SEPTIN6: variants seen among roughly 807,000 people sequenced by gnomAD.
SEPTIN6 encodes septin-6.
Under a neutral mutation model 33.6 loss-of-function variants are expected in SEPTIN6, and 8 were observed. That is an observed-to-expected ratio of 0.24 (90% CI 0.14 to 0.43). SEPTIN6 has a LOEUF of 0.43. SEPTIN6 is among the 20% of genes least tolerant of loss of function. The pLI is 1.00. For missense variants in SEPTIN6, 250 were observed against 340.8 expected, an observed-to-expected ratio of 0.73 and a Z score of 2.10; for synonymous variants, 131 against 140.0, an observed-to-expected ratio of 0.94 and a Z score of 0.45.
intron 1 of SEPTIN6, among the ~76,000 whole-genome samples, chrX:119,690,513 A>T (rs2055151533): frequency 9.2e-6 from 1 of 109,019 alleles, no homozygotes; most frequent in Non-Finnish European, 1.9e-5. Context: ...TCACAAGGTC[A>T]GGAGTTCGAG....
chrX:119,618,149 CTGAG>C lies in SEPTIN6; in HGVS notation c.*1940_*1943del, dbSNP rs2053694577. The C allele has an allele frequency of 1.0e-5, 8 of 763,474 alleles. No homozygotes were observed. The South Asian group carries it at 2.1e-4, about 20-fold the overall frequency. The allele number at this position is 763,474 out of a possible 1,213,427, so 62.9% of individuals were successfully genotyped here. A position where few individuals can be genotyped will look rare whatever the true frequency, so the allele number is the denominator to read the frequency against. ...ACTCAGCATCTCTCTGAGCTACTGG[CTGAG>C]TATCTGAGCAGATTTTTTTTTTTTT... On this transcript the variant is annotated 3_prime_UTR_variant, in exon 11 of 11. Coordinates refer to ENST00000394610, the MANE Select transcript of SEPTIN6 (RefSeq NM_145799.4).
chrX:119,665,394 G>A (rs1365156000), intron 2 of SEPTIN6, among the ~76,000 whole-genome samples: 2 of 111,936 alleles, frequency 1.8e-5, no homozygotes, highest in Non-Finnish European at 3.8e-5. Context: ...ATGAGCCACC[G>A]TGCCCGGCCC....
intron 9 of SEPTIN6, among the ~76,000 whole-genome samples, chrX:119,627,791 C>CT (rs973249197): frequency 0.017 from 1,219 of 73,639 alleles, 143 homozygotes; most frequent in Non-Finnish European, 0.022. Flanking sequence ...ATCTGCACTT[C>CT]TTTTTTTTTT....
At position 119,693,095 on chromosome X, in the gene SEPTIN6, G is replaced by C. The variant is rs766039880; in HGVS notation, c.11C>G (p.Thr4Ser). 1.3e-5 allele frequency: 15 copies of C among 1,172,034 alleles called. No individual in the cohort carries two copies. The South Asian group carries it at 2.8e-4, about 22-fold the overall frequency. ...ACTTACCACCTGGCGAGCTATATCGGTCGCTGCCATCGCTCCTGCGTCCGC... is the reference window on the plus strand; with the variant it reads ...ACTTACCACCTGGCGAGCTATATCGCTCGCTGCCATCGCTCCTGCGTCCGC... MAATDIARQVGEGC... is the reference protein window; with the variant it reads MAASDIARQVGEGC... The change falls in exon 1 of 11, where the codon ACC becomes AGC. Residue 4 changes from threonine (T) to serine (S), a missense_variant. Coordinates refer to ENST00000394610, the MANE Select transcript of SEPTIN6 (RefSeq NM_145799.4).
intron 1 of SEPTIN6, among the ~76,000 whole-genome samples, chrX:119,685,085 G>C (rs1304943479): frequency 1.8e-5 from 2 of 112,019 alleles, no homozygotes; most frequent in African/African-American, 3.2e-5. Context: ...AAATCCAATA[G>C]ATGAAACTGA....
At chrX:119,650,544 T>C (rs2054333745) in intron 4 of SEPTIN6, among the ~76,000 whole-genome samples, 1 of 111,628 alleles carries the variant, frequency 9.0e-6, no homozygotes, top group Non-Finnish European at 1.9e-5. Context: ...AGGTTACTGC[T>C]TGGGAGACTT....
intron 1 of SEPTIN6, among the ~76,000 whole-genome samples, chrX:119,684,635 C>T (rs773470285): frequency 9.1e-5 from 10 of 109,303 alleles, no homozygotes; most frequent in Middle Eastern, 9.3e-3. Flanking sequence ...GGATTACAGG[C>T]GCCCACCACC....
At chrX:119,647,994 A>G (rs6645586) in intron 5 of SEPTIN6, among the ~76,000 whole-genome samples, 42,114 of 97,604 alleles carry the variant, frequency 0.43, 8,786 homozygotes, top group African/African-American at 0.66. Flanking sequence ...ATGAGGTCTC[A>G]CTATGTTGTT....
chrX:119,679,918 T>C (rs1231268631), intron 1 of SEPTIN6, among the ~76,000 whole-genome samples: 1 of 111,316 alleles, frequency 9.0e-6, no homozygotes, highest in African/African-American at 3.3e-5. Flanking sequence ...AAGGAGTGAT[T>C]GGGCAGAGAG....
At chrX:119,651,673 A>AAAAT (rs751655915) in intron 4 of SEPTIN6, among the ~76,000 whole-genome samples, 3 of 110,312 alleles carry the variant, frequency 2.7e-5, no homozygotes, top group Non-Finnish European at 3.8e-5. Context: ...GTCCGTCTCA[A>AAAAT]AAATAAATAA....
Position 119,663,692 on chromosome X carries a change from G to T in SEPTIN6, c.146-15C>A. 1.7e-6 allele frequency: 2 copies of T among 1,173,860 alleles called. No homozygotes were observed. The highest frequency in any genetic ancestry group is 2.3e-6 in the Non-Finnish European group (2 of 866,444). On this transcript the variant is annotated splice_polypyrimidine_tract_variant and intron_variant, in intron 2 of 10. Transcript: ENST00000394610. ...ACCTGTCTCTCCTGAAAAGCAAAAG[G>T]ATAAATTATGGTCTGTTCACATAGT...
In SEPTIN6 at chrX:119,673,841, C is replaced by CAA. The variant is rs774954935; in HGVS notation, c.145+1711_145+1712dup. On this transcript the variant is annotated intron_variant, in intron 2 of 10. Transcript: ENST00000394610. ...TGGGTGACAGCACAAGACTCTGTCT[C>CAA]AAAAAAAAAAAAAAAAAAAAGAAAG... 1.4e-3 allele frequency among the ~76,000 whole-genome samples: 52 copies of CAA among 38,082 alleles called. 1 individual carries two copies. The highest frequency in any genetic ancestry group is 3.0e-3 in the Admixed American group (10 of 3,307). The allele number at this position is 38,082 out of a possible 115,157, so 33.1% of individuals were successfully genotyped here. A position where few individuals can be genotyped will look rare whatever the true frequency, so the allele number is the denominator to read the frequency against.
chrX:119,688,023 C>G (rs1364835000), intron 1 of SEPTIN6, among the ~76,000 whole-genome samples: 1 of 112,505 alleles, frequency 8.9e-6, no homozygotes, highest in Non-Finnish European at 1.9e-5. Context: ...TCCTGCGTGC[C>G]TTGGCCACCA....
At chrX:119,644,061 G>C (rs2054201623) in intron 5 of SEPTIN6, among the ~76,000 whole-genome samples, 1 of 111,202 alleles carries the variant, frequency 9.0e-6, no homozygotes. Context: ...ATCCAAATCT[G>C]AGGCCAGGCT....
In SEPTIN6 at chrX:119,686,008, CA is replaced by C. The variant is rs1312599906; in HGVS notation, c.30+7067del. ...TAGGTCAAATATCCCCACCTCAGGCCAGGGGTGACCCTTGCTCAGGGTGAGT... is the reference window on the plus strand; with the variant it reads ...TAGGTCAAATATCCCCACCTCAGGCCGGGGTGACCCTTGCTCAGGGTGAGT... On this transcript the variant is annotated intron_variant, in intron 1 of 10. Transcript: ENST00000394610. 2.7e-5 allele frequency among the ~76,000 whole-genome samples: 3 copies of C among 111,873 alleles called. No homozygotes were observed. The East Asian group carries it at 8.4e-4, about 31-fold the overall frequency.
chrX:119,688,127 C>T (rs767116769), intron 1 of SEPTIN6, among the ~76,000 whole-genome samples: 1 of 111,719 alleles, frequency 9.0e-6, no homozygotes, highest in African/African-American at 3.3e-5. Context: ...GGTGAATTGG[C>T]AAATGAAATG....
rs905528395 is a variant in SEPTIN6 at position 119,625,677 on chromosome X, G to A, written c.1281-298C>T. On this transcript the variant is annotated intron_variant, in intron 9 of 10. Transcript: ENST00000394610. ...CCCACCTCAGTCTCCTGAGTAGCTGGGATTATAGGCAAGTGCCACCAGGCC... is the reference window on the plus strand; with the variant it reads ...CCCACCTCAGTCTCCTGAGTAGCTGAGATTATAGGCAAGTGCCACCAGGCC... 5.5e-5 allele frequency among the ~76,000 whole-genome samples: 6 copies of A among 110,075 alleles called. No homozygotes were observed. In the East Asian group the frequency reaches 1.7e-3, roughly 31 times the overall value.
At chrX:119,640,925 A>G in intron 5 of SEPTIN6, 137 bp from the exon 6 acceptor site, 1 of 471,052 alleles carries the variant, frequency 2.1e-6, no homozygotes. Flanking sequence ...ACCAACAAGC[A>G]TTTATTAAGT....
Position 119,652,978 on chromosome X carries a change from T to G in SEPTIN6, c.404A>C (p.Lys135Thr). 1 of 1,210,425 alleles carries G rather than the reference T, an allele frequency of 8.3e-7. No homozygotes were observed. Among genetic ancestry groups the G allele is most frequent in the Non-Finnish European group, 1.1e-6 (1 of 894,585 alleles). Residue 135 changes from lysine (K) to threonine (T), a missense_variant, in exon 4 of 11, where the codon AAG (lysine) becomes ACG (threonine). Around this residue, in one of 2 missense-constraint regions of SEPTIN6, gnomAD observed 111 missense variants for 113.8 expected, o/e 0.98. Transcript: ENST00000394610. ...QFEAYLQEEL[K>T]IRRVLHTYHD... ...GTAGGTGTGTAGCACTCTTCGGATC[T>G]TTAGCTCTTCCTGCAGGTAGGCCTC...
Sources: allele counts gnomAD v4.1 joint callset (sites outside exome capture counted in the v4.1 genomes callset), GRCh38; gene constraint gnomAD v4.1.1; regional missense constraint gnomAD v4.1.1; transcripts MANE v1.5; gene names NCBI Gene and HGNC (gene_info 2026-07-23, HGNC 2026-07-21).